Variants in PANX1 observed in about 807,000 individuals in gnomAD.
PANX1 encodes pannexin-1.
In PANX1, 30 loss-of-function variants were observed where a neutral mutation model predicts 38.7. The observed-to-expected ratio is 0.78, with a 90% CI of 0.58 to 1.05. The LOEUF (loss-of-function observed/expected upper bound fraction) is 1.05. PANX1 is among the 50% of genes least tolerant of loss of function. The pLI is 0.00. For missense variants in PANX1, 551 were observed against 517.2 expected (o/e 1.07, Z -0.63); for synonymous variants, 230 against 212.2 (o/e 1.08, Z -0.73).
At chr11:94,154,437 A>G (rs1946923001) in intron 2 of PANX1, among the ~76,000 whole-genome samples, 1 of 152,236 alleles carries the variant, frequency 6.6e-6, no homozygotes, top group Admixed American at 6.5e-5. Flanking sequence ...TCAGCCTGTC[A>G]TTAATTTCAA....
At position 94,179,940 on chromosome 11, in the gene PANX1, T is replaced by C. The variant is rs150484412; in HGVS notation, c.884T>C (p.Leu295Pro). The change falls in exon 4 of 5, where the codon CTG becomes CCG. Residue 295 changes from leucine (L) to proline (P), a missense_variant. Transcript: ENST00000227638. ...VLLAPVVVYT[L>P]FVPFRQKTDV... ...CTGGCTCCCGTGGTTGTCTACACGC[T>C]GTTTGTTCCATTCCGACAGAAGACA... The C allele has an allele frequency of 2.5e-6, 4 of 1,606,520 alleles. No homozygotes were observed. Among genetic ancestry groups the C allele is most frequent in the Middle Eastern group, 1.7e-4 (1 of 6,014 alleles).
chr11:94,147,569 G>A (rs1006593471), intron 1 of PANX1, among the ~76,000 whole-genome samples: 3 of 152,078 alleles, frequency 2.0e-5, no homozygotes, highest in African/African-American at 7.2e-5. Flanking sequence ...GTTGCTTGTG[G>A]CTGTCATCTC....
At chr11:94,167,686 A>C (rs1947118962) in intron 2 of PANX1, among the ~76,000 whole-genome samples, 1 of 152,252 alleles carries the variant, frequency 6.6e-6, no homozygotes, top group African/African-American at 2.4e-5. Flanking sequence ...AAACTGCACC[A>C]AAATAATCAA....
At chr11:94,136,535 C>A (rs570536320) in intron 1 of PANX1, among the ~76,000 whole-genome samples, 1 of 152,304 alleles carries the variant, frequency 6.6e-6, no homozygotes, top group East Asian at 1.9e-4. Context: ...AATCCCAGCA[C>A]TTTGGGAGGC....
chr11:94,146,611 C>T (rs544717466), intron 1 of PANX1, among the ~76,000 whole-genome samples: 1 of 152,142 alleles, frequency 6.6e-6, no homozygotes, highest in East Asian at 1.9e-4. Flanking sequence ...ACAGCCCTTC[C>T]TCGGGATTCC....
chr11:94,179,932 C>T lies in PANX1; in HGVS notation c.876C>T (p.Val292=). 8 of 1,609,232 alleles carry T rather than the reference C, an allele frequency of 5.0e-6. No individual in the cohort carries two copies. The highest frequency in any genetic ancestry group is 1.7e-6 in the Non-Finnish European group (2 of 1,176,684). The change falls in exon 4 of 5, where the codon GTC becomes GTT. Residue 292 remains valine (V), a synonymous_variant. Transcript: ENST00000227638. ...ATGTCCTGCTGGCTCCCGTGGTTGT[C>T]TACACGCTGTTTGTTCCATTCCGAC... ...VVYVLLAPVV[V]YTLFVPFRQK...
intron 2 of PANX1, among the ~76,000 whole-genome samples, chr11:94,162,889 T>TTTTTTTTAG (rs1947062961): frequency 6.7e-6 from 1 of 149,702 alleles, no homozygotes; most frequent in South Asian, 2.1e-4. Context: ...TTTTTTTTTT[T>TTTTTTTTAG]GAGACAGGGT....
At chr11:94,164,603 CAT>C (rs977155614) in intron 2 of PANX1, among the ~76,000 whole-genome samples, 13 of 152,216 alleles carry the variant, frequency 8.5e-5, no homozygotes, top group African/African-American at 1.2e-4. Flanking sequence ...TGTGGCCTAA[CAT>C]GTGGTCTATC....
At chr11:94,164,258 T>C (rs1365352515) in intron 2 of PANX1, among the ~76,000 whole-genome samples, 1 of 152,194 alleles carries the variant, frequency 6.6e-6, no homozygotes, top group Non-Finnish European at 1.5e-5. Flanking sequence ...TTTGATTTGC[T>C]CTTGCTTTTC....
intron 1 of PANX1, among the ~76,000 whole-genome samples, chr11:94,147,575 A>T (rs573079352): frequency 6.6e-6 from 1 of 152,212 alleles, no homozygotes; most frequent in East Asian, 1.9e-4. Flanking sequence ...TGTGGCTGTC[A>T]TCTCCAGCCC....
rs966829332 is a variant in PANX1 at position 94,176,411 on chromosome 11, C to A, written c.322-1958C>A. 3.3e-5 allele frequency among the ~76,000 whole-genome samples: 5 copies of A among 151,588 alleles called. No homozygotes were observed. The East Asian group carries it at 5.8e-4, about 18-fold the overall frequency. Reference sequence around the variant, plus strand: ...GAGTACCCTGGATTGGATCTTGGAACAGGAAGAGGACAGTAGGGGAAAAAC... The same window carrying A: ...GAGTACCCTGGATTGGATCTTGGAAAAGGAAGAGGACAGTAGGGGAAAAAC... On this transcript the variant is annotated intron_variant, in intron 2 of 4. Coordinates refer to ENST00000227638, the MANE Select transcript of PANX1 (RefSeq NM_015368.4).
At position 94,180,244 on chromosome 11, in the gene PANX1, G is replaced by A. The variant is rs369648726; in HGVS notation, c.1188G>A (p.Thr396=). Residue 396 remains threonine (T), a synonymous_variant, in exon 4 of 5, where the codon ACG becomes ACA. Transcript: ENST00000227638. ...TGAGAGAGGAGCAGGGGAACCAGAC[G>A]GCAGAGCTCCAAGGTAGGGTTTGCT... ...AEMREEQGNQ[T]AELQGMNIDS... 7.6e-5 allele frequency: 122 copies of A among 1,603,032 alleles called. No individual in the cohort carries two copies. Among genetic ancestry groups the A allele is most frequent in the East Asian group, 5.4e-4 (24 of 44,568 alleles).
At chr11:94,155,893 A>G (rs778784365) in intron 2 of PANX1, among the ~76,000 whole-genome samples, 3 of 152,238 alleles carry the variant, frequency 2.0e-5, no homozygotes, top group Non-Finnish European at 4.4e-5. Flanking sequence ...AGCCAAGGCA[A>G]CAAATAATAG....
intron 1 of PANX1, among the ~76,000 whole-genome samples, chr11:94,135,170 A>G (rs1406163516): frequency 6.6e-6 from 1 of 152,198 alleles, no homozygotes; most frequent in Non-Finnish European, 1.5e-5. Flanking sequence ...TACTAGGGAA[A>G]GGGTGTCTGG....
chr11:94,180,780 A>G lies in PANX1; in HGVS notation c.1202-10A>G, dbSNP rs771261930. The stretch of plus-strand genomic sequence containing the variant: ...TTTCTGTCATAAATATTTGTTTTCA[A>G]TTTTGACAGGTATGAACATAGACAG... On this transcript the variant is annotated splice_polypyrimidine_tract_variant and intron_variant, in intron 4 of 4. Coordinates refer to ENST00000227638, the MANE Select transcript of PANX1 (RefSeq NM_015368.4). The G allele has an allele frequency of 9.1e-6, 13 of 1,426,998 alleles. No individual in the cohort carries two copies. The Admixed American group carries it at 1.0e-4, about 11-fold the overall frequency. The allele number at this position is 1,426,998 out of a possible 1,614,324, so 88.4% of individuals were successfully genotyped here. A position where few individuals can be genotyped will look rare whatever the true frequency, so the allele number is the denominator to read the frequency against.
rs1946592788 is a variant in PANX1 at position 94,129,161 on chromosome 11, G to C, written c.-152G>C. ...CCCAGCGGAGTCGCTGGGAGCCTGA[G>C]GCACCGAGACACAAAGGCAGGCGGG... On this transcript the variant is annotated 5_prime_UTR_variant, in exon 1 of 5. Transcript: ENST00000227638. 1 of 579,248 alleles carries C rather than the reference G, an allele frequency of 1.7e-6. No homozygotes were observed. 35.9% of individuals were successfully genotyped at this position (579,248 alleles called of 1,614,324 possible).
At chr11:94,130,186 T>C (rs562455614) in intron 1 of PANX1, among the ~76,000 whole-genome samples, 1 of 152,114 alleles carries the variant, frequency 6.6e-6, no homozygotes, top group Non-Finnish European at 1.5e-5. Context: ...CTGTTCTGAC[T>C]CTCCACACAG....
At chr11:94,150,044 G>A (rs1946867583) in intron 1 of PANX1, among the ~76,000 whole-genome samples, 1 of 129,528 alleles carries the variant, frequency 7.7e-6, no homozygotes, top group Admixed American at 7.9e-5. Flanking sequence ...AAAGCACTGT[G>A]GGAAGTCAGT....
At position 94,180,236 on chromosome 11, in the gene PANX1, A is replaced by C. The variant is rs1356682845; in HGVS notation, c.1180A>C (p.Asn394His). Residue 394 changes from asparagine to histidine, a missense_variant, in exon 4 of 5, where the codon AAC becomes CAC. Physicochemically the swap from Asn to His is moderately conservative, Grantham distance 68. Transcript: ENST00000227638. ...TGCAGAGATGAGAGAGGAGCAGGGG[A>C]ACCAGACGGCAGAGCTCCAAGGTAG... is the stretch of plus-strand genomic sequence containing the variant. ...MSAEMREEQGNQTAELQGMNI... is the reference protein window; with the variant it reads ...MSAEMREEQGHQTAELQGMNI... The C allele has an allele frequency of 6.2e-7, 1 of 1,606,296 alleles. No individual in the cohort carries two copies. Among genetic ancestry groups the C allele is most frequent in the Admixed American group, 1.7e-5 (1 of 59,764 alleles).
Sources: gnomAD v4.1 joint callset for allele counts (sites outside exome capture counted in the v4.1 genomes callset) on GRCh38, gnomAD v4.1.1 for gene constraint, MANE v1.5 for transcripts, NCBI Gene and HGNC (gene_info 2026-07-23, HGNC 2026-07-21) for gene names.